C8orf88: variants seen among roughly 807,000 people sequenced by gnomAD.
C8orf88 encodes the protein chromosome 8 open reading frame 88.
C8orf88 carries 14 observed loss-of-function variants against 18.4 expected under a neutral mutation model. The observed-to-expected ratio is 0.76, with a 90% CI of 0.50 to 1.19. The LOEUF (loss-of-function observed/expected upper bound fraction) is 1.19. Among genes scored for constraint, C8orf88 ranks in the 50% most tolerant of loss-of-function variants. The pLI is 0.00. For missense variants in C8orf88, 116 were observed against 134.7 expected, an observed-to-expected ratio of 0.86 and a Z score of 0.69; for synonymous variants, 45 against 42.9, an observed-to-expected ratio of 1.05 and a Z score of -0.19.
In C8orf88 at chr8:90,971,066, C is replaced by T. The variant is rs989443653; in HGVS notation, c.223G>A (p.Glu75Lys). 6.7e-7 allele frequency: 1 copy of T among 1,496,172 alleles called. No homozygotes were observed. The highest frequency in any genetic ancestry group is 8.9e-7 in the Non-Finnish European group (1 of 1,126,278). The allele number at this position is 1,496,172 out of a possible 1,614,324, so 92.7% of individuals were successfully genotyped here. ...QQQQQSPVKKERIKYSRDFLL... is the reference protein window; with the variant it reads ...QQQQQSPVKKKRIKYSRDFLL... ...ATTGGGAATTATGATAAAATTTTAC[C>T]TTTCTTAACTGGAGACTGCTGTTGC... Residue 75 changes from glutamate to lysine, a missense_variant and splice_region_variant, in exon 4 of 6, where the codon GAG (glutamate) becomes AAG (lysine). Transcript: ENST00000517562.
chr8:90,970,057 T>C (rs1263814928), intron 4 of C8orf88, among the ~76,000 whole-genome samples: 4 of 151,880 alleles, frequency 2.6e-5, no homozygotes, highest in East Asian at 3.9e-4. Context: ...ATAGATAACA[T>C]AGAAAAATAA....
rs971753133 is a variant in C8orf88 at position 90,958,984 on chromosome 8, T to G, written c.*23A>C. On this transcript the variant is annotated 3_prime_UTR_variant, in exon 6 of 6. Transcript: ENST00000517562. ...CACCTCATTTGCAGATGTCCAAACT[T>G]AAATTCATCTGTTCTTAAAATGCTA... is the stretch of plus-strand genomic sequence containing the variant. The G allele has an allele frequency of 4.2e-5, 58 of 1,395,278 alleles. No homozygotes were observed. The Admixed American group carries it at 1.3e-3, about 32-fold the overall frequency. 86.4% of individuals were successfully genotyped at this position (1,395,278 alleles called of 1,614,324 possible). A position where few individuals can be genotyped will look rare whatever the true frequency, so the allele number is the denominator to read the frequency against.
intron 4 of C8orf88, among the ~76,000 whole-genome samples, chr8:90,961,506 G>T (rs1309638013): frequency 1.3e-5 from 2 of 150,968 alleles, no homozygotes; most frequent in Non-Finnish European, 1.5e-5. Flanking sequence ...CCAGTGGGGG[G>T]GAAAAAACCC....
intron 5 of C8orf88, 43 bp downstream of exon 5, chr8:90,960,699 T>A: frequency 6.3e-6 from 7 of 1,106,706 alleles, no homozygotes; most frequent in Non-Finnish European, 8.9e-6. Context: ...AGAAAAATAT[T>A]TTGTAATATA....
Position 90,958,991 on chromosome 8 carries a change from A to G in C8orf88, c.*16T>C. 1 of 1,405,712 alleles carries G rather than the reference A, an allele frequency of 7.1e-7. No individual in the cohort carries two copies. Among genetic ancestry groups the G allele is most frequent in the Non-Finnish European group, 9.6e-7 (1 of 1,046,728 alleles). 87.1% of individuals were successfully genotyped at this position (1,405,712 alleles called of 1,614,324 possible). A position where few individuals can be genotyped will look rare whatever the true frequency, so the allele number is the denominator to read the frequency against. On this transcript the variant is annotated 3_prime_UTR_variant, in exon 6 of 6. Transcript: ENST00000517562. Reference sequence around the variant, plus strand: ...TTTGCAGATGTCCAAACTTAAATTCATCTGTTCTTAAAATGCTACTTAAAA... The same window carrying G: ...TTTGCAGATGTCCAAACTTAAATTCGTCTGTTCTTAAAATGCTACTTAAAA...
chr8:90,961,969 TATAAG>T (rs1275578172), intron 4 of C8orf88, among the ~76,000 whole-genome samples: 1 of 151,528 alleles, frequency 6.6e-6, no homozygotes, highest in Non-Finnish European at 1.5e-5. Context: ...TATAAAGGCA[TATAAG>T]TTGAAAGTAA....
At chr8:90,979,745 C>T (rs960650775) in intron 2 of C8orf88, among the ~76,000 whole-genome samples, 2 of 152,106 alleles carry the variant, frequency 1.3e-5, no homozygotes, top group African/African-American at 2.4e-5. Context: ...AAGTAATGAA[C>T]AGAATTAAAA....
chr8:90,971,390 A>G (rs1347888974), intron 3 of C8orf88, among the ~76,000 whole-genome samples: 1 of 152,086 alleles, frequency 6.6e-6, no homozygotes, highest in Admixed American at 6.6e-5. Context: ...CTAAAGATGA[A>G]TTTTATTGTC....
intron 1 of C8orf88, among the ~76,000 whole-genome samples, chr8:90,982,289 T>C (rs1030170190): frequency 5.9e-5 from 9 of 152,156 alleles, no homozygotes; most frequent in Non-Finnish European, 1.2e-4. Flanking sequence ...ATATTTTCTA[T>C]GTAGAAGAGT....
intron 4 of C8orf88, among the ~76,000 whole-genome samples, chr8:90,969,626 G>A (rs991127749): frequency 4.0e-5 from 6 of 151,830 alleles, no homozygotes; most frequent in African/African-American, 1.4e-4. Flanking sequence ...TCTACTACAT[G>A]GCCTAAGCAG....
intron 4 of C8orf88, among the ~76,000 whole-genome samples, chr8:90,969,400 T>G (rs1434683921): frequency 6.6e-6 from 1 of 151,834 alleles, no homozygotes; most frequent in African/African-American, 2.4e-5. Flanking sequence ...GAAAGGTAAA[T>G]GTGATGGATA....
chr8:90,980,412 A>G lies in C8orf88; in HGVS notation c.24T>C (p.Gly8=). ...CAGGTCTTGCTGGTTGAAGCGGTTT[A>G]CCAATTAATTTTTTGGTTTCCATTG... The part of the protein sequence containing the change: METKKLI[G]KPLQPARPVR... The change falls in exon 2 of 6, where the codon GGT becomes GGC. Residue 8 remains glycine, a synonymous_variant. Coordinates refer to ENST00000517562, the MANE Select transcript of C8orf88 (RefSeq NM_001190972.2). 6.5e-7 allele frequency: 1 copy of G among 1,533,038 alleles called. No individual in the cohort carries two copies. Among genetic ancestry groups the G allele is most frequent in the Non-Finnish European group, 8.7e-7 (1 of 1,145,788 alleles). 95.0% of individuals were successfully genotyped at this position (1,533,038 alleles called of 1,614,324 possible).
intron 5 of C8orf88, among the ~76,000 whole-genome samples, chr8:90,959,834 G>A (rs555624010): frequency 1.3e-5 from 2 of 151,176 alleles, no homozygotes; most frequent in South Asian, 4.2e-4. Flanking sequence ...CCTATATAAA[G>A]GTATTTACGA....
At chr8:90,981,795 G>A (rs898679931) in intron 1 of C8orf88, among the ~76,000 whole-genome samples, 7 of 152,008 alleles carry the variant, frequency 4.6e-5, no homozygotes, top group Non-Finnish European at 1.0e-4. Context: ...ACACCTGTAT[G>A]GGACACAAGA....
chr8:90,972,418 A>G (rs1472705557), intron 3 of C8orf88, among the ~76,000 whole-genome samples: 1 of 115,994 alleles, frequency 8.6e-6, no homozygotes, highest in Non-Finnish European at 1.8e-5. Context: ...TCTAAAAATT[A>G]AAAAAAAAAA....
chr8:90,970,097 A>G (rs1419414306), intron 4 of C8orf88, among the ~76,000 whole-genome samples: 1 of 151,924 alleles, frequency 6.6e-6, no homozygotes, highest in Non-Finnish European at 1.5e-5. Context: ...AAAAACAATA[A>G]ACTGTATGAA....
rs1297916172 is a variant in C8orf88, at chr8:90,983,809, C to T, written c.-27+1305G>A. On this transcript the variant is annotated intron_variant, in intron 1 of 5. Transcript: ENST00000517562. ...GATATTAGGATTTGACTACAAAGTT[C>T]ACACCTTTATATCAAAACTTGCCTA... Among the ~76,000 whole-genome samples, 5 of 152,046 alleles carry T rather than the reference C, an allele frequency of 3.3e-5. No homozygotes were observed. The East Asian group carries it at 9.6e-4, about 29-fold the overall frequency.
intron 5 of C8orf88, chr8:90,959,454 T>G (rs1811093221): frequency 6.6e-6 from 1 of 151,628 alleles, no homozygotes; most frequent in Non-Finnish European, 1.5e-5. Context: ...ACATTTATTC[T>G]TACAGACCAT....
chr8:90,975,777 C>T (rs1811339147), intron 3 of C8orf88, among the ~76,000 whole-genome samples: 1 of 151,970 alleles, frequency 6.6e-6, no homozygotes, highest in South Asian at 2.1e-4. Flanking sequence ...ATCAATTCCA[C>T]TCCTGGGTAG....
Sources: allele counts gnomAD v4.1 joint callset (sites outside exome capture counted in the v4.1 genomes callset), GRCh38; gene constraint gnomAD v4.1.1; transcripts MANE v1.5; gene names NCBI Gene and HGNC (gene_info 2026-07-23, HGNC 2026-07-21).